Variants in CNTN1 observed in about 807,000 individuals in gnomAD.
CNTN1 encodes the protein contactin-1.
A neutral mutation model predicts 126.4 loss-of-function variants in CNTN1; 38 were observed. The observed-to-expected ratio is 0.30, with a 90% CI of 0.23 to 0.39. CNTN1 has a LOEUF of 0.39. Among genes scored for constraint, CNTN1 ranks in the 10% least tolerant of loss-of-function variants. The probability of loss-of-function intolerance (pLI) is 1.00; values close to 1 mark genes in which losing one functional copy is unlikely to be tolerated. For synonymous variants in CNTN1, 413 were observed against 422.6 expected, an observed-to-expected ratio of 0.98 and a Z score of 0.28; for missense variants, 1,009 against 1,248.4, an observed-to-expected ratio of 0.81 and a Z score of 2.89.
Position 40,874,870 on chromosome 12 carries a change from A to T in CNTN1, c.-76-33487A>T, listed in dbSNP as rs558467740. On this transcript the variant is annotated intron_variant, in intron 1 of 23. Transcript: ENST00000551295. The stretch of plus-strand genomic sequence containing the variant: ...ATGATTTACATATGTTGAATCATTT[A>T]ATCTCATAAAATCTCATAGGAAGAA... Among the ~76,000 whole-genome samples, 5 of 152,310 alleles carry T rather than the reference A, an allele frequency of 3.3e-5. No homozygotes were observed. The South Asian group carries it at 1.0e-3, about 32-fold the overall frequency.
At position 40,993,250 on chromosome 12, in the gene CNTN1, A is replaced by G; in HGVS notation, c.2094A>G (p.Arg698=). ...GRGEPSIPSN[R]IKTDGAAPNV... is the part of the protein sequence containing the mutation. ...GAGAGCCCAGTATACCATCTAACAG[A>G]ATTAAAACAGACGGTGCTGGTATGT... The change falls in exon 17 of 24, where the codon AGA becomes AGG. Residue 698 remains arginine, a synonymous_variant. Transcript: ENST00000551295. 1 of 1,613,830 alleles carries G rather than the reference A, an allele frequency of 6.2e-7. No homozygotes were observed. The highest frequency in any genetic ancestry group is 8.5e-7 in the Non-Finnish European group (1 of 1,179,776).
intron 1 of CNTN1, among the ~76,000 whole-genome samples, chr12:40,871,544 G>A (rs1943495166): frequency 6.6e-6 from 1 of 152,144 alleles, no homozygotes; most frequent in African/African-American, 2.4e-5. Flanking sequence ...GATATCAATG[G>A]AGAGAAGAAG....
intron 1 of CNTN1, among the ~76,000 whole-genome samples, chr12:40,785,336 T>C (rs959336630): frequency 6.6e-6 from 1 of 151,894 alleles, no homozygotes; most frequent in Non-Finnish European, 1.5e-5. Flanking sequence ...CTTTCACTCA[T>C]AGTGGAAGAC....
chr12:41,010,865 GT>G (rs35933164), intron 17 of CNTN1, among the ~76,000 whole-genome samples: 23,737 of 144,944 alleles, frequency 0.16, 2,633 homozygotes, highest in African/African-American at 0.33. Context: ...ACTAGGGTTT[GT>G]TTTTTTTTTT....
chr12:40,748,803 A>T (rs1565681539), intron 1 of CNTN1, among the ~76,000 whole-genome samples: 1 of 152,104 alleles, frequency 6.6e-6, no homozygotes, highest in Non-Finnish European at 1.5e-5. Context: ...TACTATGCTT[A>T]AAAAAATGGG....
intron 1 of CNTN1, among the ~76,000 whole-genome samples, chr12:40,770,517 GATGTGTGTATATGTGC>G (rs1939295752): frequency 6.6e-6 from 1 of 152,148 alleles, no homozygotes; most frequent in East Asian, 1.9e-4. Context: ...CATATGCATG[GATGTGTGTATATGTGC>G]ATGTGTGTGA....
intron 1 of CNTN1, among the ~76,000 whole-genome samples, chr12:40,893,340 C>T (rs977447256): frequency 2.6e-5 from 4 of 151,888 alleles, no homozygotes; most frequent in Non-Finnish European, 5.9e-5. Context: ...CTTTAAATTG[C>T]TATAACAAAC....
At chr12:40,825,414 T>C (rs1281269701) in intron 1 of CNTN1, among the ~76,000 whole-genome samples, 1 of 152,138 alleles carries the variant, frequency 6.6e-6, no homozygotes, top group Non-Finnish European at 1.5e-5. Context: ...TTGGCTTTGA[T>C]TTATACCCAA....
chr12:40,807,504 TTTCTGC>T (rs1940903856), intron 1 of CNTN1, among the ~76,000 whole-genome samples: 1 of 152,078 alleles, frequency 6.6e-6, no homozygotes, highest in Non-Finnish European at 1.5e-5. Context: ...ACATTTAAGA[TTTCTGC>T]TGCACCAAAG....
chr12:40,837,381 C>A (rs1051839950), intron 1 of CNTN1, among the ~76,000 whole-genome samples: 7 of 152,196 alleles, frequency 4.6e-5, no homozygotes, highest in Admixed American at 3.9e-4. Flanking sequence ...CTTCCCAGCC[C>A]AGGGATTAGG....
intron 17 of CNTN1, among the ~76,000 whole-genome samples, chr12:41,006,980 A>G (rs1329602930): frequency 6.6e-6 from 1 of 150,902 alleles, no homozygotes; most frequent in Non-Finnish European, 1.5e-5. Context: ...TGAAGGAGAG[A>G]GAAAAACTTG....
chr12:41,044,547 A>G (rs1448761366), intron 23 of CNTN1, among the ~76,000 whole-genome samples: 1 of 151,976 alleles, frequency 6.6e-6, no homozygotes, highest in East Asian at 1.9e-4. Context: ...TTATTCCACA[A>G]TTTTGAAATC....
In CNTN1 at chr12:40,894,161, A is replaced by G. The variant is rs140198992; in HGVS notation, c.-76-14196A>G. Among the ~76,000 whole-genome samples, 51 of 152,230 alleles carry G rather than the reference A, an allele frequency of 3.4e-4. 1 individual carries two copies. Among genetic ancestry groups the G allele is most frequent in the African/African-American group, 1.2e-3 (48 of 41,554 alleles). On this transcript the variant is annotated intron_variant, in intron 1 of 23. Transcript: ENST00000551295. ...TATTTCTTGGATCTGTTAAATCCCT[A>G]GGACCTTTAAAGATTTTAAAACAAA... is the stretch of plus-strand genomic sequence containing the variant.
At chr12:40,937,821 AT>A in intron 11 of CNTN1, 134 bp downstream of exon 11, 1 of 689,116 alleles carries the variant, frequency 1.5e-6, no homozygotes, top group Non-Finnish European at 2.7e-6. Context: ...TTACTGATTT[AT>A]TTATTGCTAA....
chr12:40,821,244 T>C (rs920831369), intron 1 of CNTN1, among the ~76,000 whole-genome samples: 1 of 152,188 alleles, frequency 6.6e-6, no homozygotes, highest in Admixed American at 6.5e-5. Context: ...TTCCTTAATA[T>C]GTATCCAGAG....
At chr12:40,987,419 G>A (rs751982326) in intron 16 of CNTN1, among the ~76,000 whole-genome samples, 14 of 152,178 alleles carry the variant, frequency 9.2e-5, no homozygotes, top group Admixed American at 4.6e-4. Flanking sequence ...TGTTCCTGGA[G>A]TTGTACAAGA....
At chr12:40,811,945 T>C (rs1418417132) in intron 1 of CNTN1, among the ~76,000 whole-genome samples, 3 of 152,040 alleles carry the variant, frequency 2.0e-5, no homozygotes, top group African/African-American at 7.2e-5. Context: ...AGTCTTAGTT[T>C]GTTCTTCTTT....
At chr12:41,064,769 C>CCAGA (rs1555207079) in intron 23 of CNTN1, among the ~76,000 whole-genome samples, 1 of 150,600 alleles carries the variant, frequency 6.6e-6, no homozygotes, top group Non-Finnish European at 1.5e-5. Flanking sequence ...TGCTACCTCT[C>CCAGA]TAGATAGATA....
chr12:40,816,741 T>C (rs1332984474), intron 1 of CNTN1, among the ~76,000 whole-genome samples: 2 of 152,128 alleles, frequency 1.3e-5, no homozygotes, highest in African/African-American at 4.8e-5. Flanking sequence ...ATATTAGAGA[T>C]TGATTTGAGA....
Sources: gnomAD v4.1 joint callset for allele counts (sites outside exome capture counted in the v4.1 genomes callset) on GRCh38, gnomAD v4.1.1 for gene constraint, MANE v1.5 for transcripts, NCBI Gene and HGNC (gene_info 2026-07-23, HGNC 2026-07-21) for gene names.